CCDC171: variants seen among roughly 807,000 people sequenced by gnomAD.
CCDC171 encodes coiled-coil domain containing 171, also known as coiled-coil domain-containing protein 171.
A neutral mutation model predicts 168.2 loss-of-function variants in CCDC171; 177 were observed. The observed-to-expected ratio is 1.05, with a 90% CI of 0.93 to 1.19. The LOEUF is 1.19. Ranked by LOEUF, CCDC171 falls within the 50% of genes most tolerant of loss-of-function variation. CCDC171 has a pLI of 0.00. For missense variants in CCDC171, 1,991 were observed against 1,539.0 expected, an observed-to-expected ratio of 1.29 and a Z score of -4.91; for synonymous variants, 687 against 540.8, an observed-to-expected ratio of 1.27 and a Z score of -3.75.
At chr9:15,905,078 C>CT (rs1320318030) in intron 24 of CCDC171, among the ~76,000 whole-genome samples, 1 of 152,188 alleles carries the variant, frequency 6.6e-6, no homozygotes, top group Non-Finnish European at 1.5e-5. Flanking sequence ...TAATGGGAGA[C>CT]TTTAACACCC....
intron 25 of CCDC171, among the ~76,000 whole-genome samples, chr9:15,939,488 C>T (rs1021885774): frequency 6.6e-6 from 1 of 151,824 alleles, no homozygotes; most frequent in Non-Finnish European, 1.5e-5. Flanking sequence ...TGCTTCTTAG[C>T]AGTGATTCAA....
intron 10 of CCDC171, among the ~76,000 whole-genome samples, chr9:15,688,831 A>G (rs886973787): frequency 3.3e-5 from 5 of 152,192 alleles, no homozygotes; most frequent in Non-Finnish European, 7.3e-5. Context: ...TCTGTTCAAC[A>G]TTTTACTGGA....
chr9:16,021,811 G>C (rs980972633), intron 4 of CCDC171, among the ~76,000 whole-genome samples: 1 of 152,226 alleles, frequency 6.6e-6, no homozygotes, highest in African/African-American at 2.4e-5. Context: ...GTACTATGTG[G>C]CTAGCTATGT....
intron 23 of CCDC171, among the ~76,000 whole-genome samples, chr9:15,869,441 A>G (rs941564083): frequency 4.6e-5 from 7 of 150,812 alleles, no homozygotes; most frequent in African/African-American, 1.5e-4. Flanking sequence ...TTTCTTCTAC[A>G]TTGTAGAATT....
At position 15,604,014 on chromosome 9, in the gene CCDC171, CT is replaced by C. The variant is rs1403633098; in HGVS notation, c.675+9849del. Among the ~76,000 whole-genome samples the C allele has an allele frequency of 2.0e-5, 3 of 150,980 alleles. No homozygotes were observed. In the South Asian group the frequency reaches 6.3e-4, roughly 32 times the overall value. On this transcript the variant is annotated intron_variant, in intron 6 of 25. Transcript: ENST00000380701. ...TTCTCTGATGATCAGTGATGTTGAG[CT>C]TTTTTTCATGTTTGTTGGCTGCATG...
chr9:15,748,404 A>G (rs943516202), intron 18 of CCDC171, among the ~76,000 whole-genome samples: 2 of 152,210 alleles, frequency 1.3e-5, no homozygotes, highest in African/African-American at 4.8e-5. Context: ...GCTTTTCAGG[A>G]TATTATCGAG....
chr9:15,872,985 T>C (rs1279206828), intron 23 of CCDC171, among the ~76,000 whole-genome samples: 1 of 152,092 alleles, frequency 6.6e-6, no homozygotes, highest in African/African-American at 2.4e-5. Context: ...GGAGAGTGTT[T>C]GTTGCAGATA....
chr9:15,970,395 G>GT (rs766959724), intron 25 of CCDC171, among the ~76,000 whole-genome samples: 195 of 143,778 alleles, frequency 1.4e-3, no homozygotes, highest in South Asian at 1.8e-3. Context: ...CTACTAAAAA[G>GT]TTTTTTTTTT....
intron 1 of CCDC171, among the ~76,000 whole-genome samples, chr9:16,057,534 C>T (rs543629100): frequency 1.3e-5 from 2 of 152,146 alleles, no homozygotes; most frequent in African/African-American, 2.4e-5. Context: ...GAAGGCAGGG[C>T]ACTGTGTGTC....
intron 6 of CCDC171, among the ~76,000 whole-genome samples, chr9:15,612,446 A>C (rs749626264): frequency 6.6e-6 from 1 of 151,970 alleles, no homozygotes; most frequent in Non-Finnish European, 1.5e-5. Flanking sequence ...TTTAGGAGAG[A>C]TGATTAGCTA....
rs529476627 is a variant in CCDC171, at chr9:15,635,147, A to G, written c.822+11734A>G. On this transcript the variant is annotated intron_variant, in intron 7 of 25. Coordinates refer to ENST00000380701, the MANE Select transcript of CCDC171 (RefSeq NM_173550.4). The stretch of plus-strand genomic sequence containing the variant: ...TTTGTTAGGAGAATTGACTTACACT[A>G]TCACAAGTTGAAGTTCCACAATAGG... 3.9e-5 allele frequency among the ~76,000 whole-genome samples: 6 copies of G among 152,308 alleles called. No individual in the cohort carries two copies. In the East Asian group the frequency reaches 5.8e-4, roughly 15 times the overall value.
At chr9:15,651,053 C>T (rs541242368) in intron 7 of CCDC171, among the ~76,000 whole-genome samples, 5 of 152,126 alleles carry the variant, frequency 3.3e-5, no homozygotes, top group African/African-American at 1.2e-4. Context: ...TCCTAACTGT[C>T]ATTCTACTCT....
rs536688302 is a variant in CCDC171, at chr9:16,048,025, C to A, written n.89+5139C>A. Among the ~76,000 whole-genome samples, 29 of 152,312 alleles carry A rather than the reference C, an allele frequency of 1.9e-4. No homozygotes were observed. The South Asian group carries it at 6.0e-3, about 32-fold the overall frequency. On this transcript the variant is annotated intron_variant and non_coding_transcript_variant, in intron 1 of 1. Coordinates refer to the CCDC171 transcript ENST00000478913. ...AGAGGAAGGATGAACACATTGCCTG[C>A]AGTGGCAAGTTGGCTCAAAGGGATG...
At position 15,809,232 on chromosome 9, in the gene CCDC171, T is replaced by G. The variant is rs183676546; in HGVS notation, c.3267+24538T>G. ...ATGTGGCTGAGAATTAGCATGAGTG[T>G]ATTTGCAATGAATAGTATTTTCAAT... On this transcript the variant is annotated intron_variant, in intron 21 of 25. Coordinates refer to ENST00000380701, the MANE Select transcript of CCDC171 (RefSeq NM_173550.4). Among the ~76,000 whole-genome samples the G allele has an allele frequency of 5.3e-4, 81 of 152,340 alleles. 1 individual carries two copies. Among genetic ancestry groups the G allele is most frequent in the Non-Finnish European group, 1.9e-4 (13 of 68,030 alleles).
chr9:15,655,438 G>A (rs2047855815), intron 7 of CCDC171, among the ~76,000 whole-genome samples: 2 of 152,042 alleles, frequency 1.3e-5, no homozygotes, highest in East Asian at 1.9e-4. Context: ...TCCCTTTTTG[G>A]GACTAGTAAT....
intron 25 of CCDC171, among the ~76,000 whole-genome samples, chr9:15,968,362 T>C (rs1256524163): frequency 6.6e-6 from 1 of 152,194 alleles, no homozygotes; most frequent in East Asian, 1.9e-4. Context: ...TTTAATGTTC[T>C]CTGACAAAAA....
At chr9:15,576,270 A>AACTCC (rs1469709181) in intron 3 of CCDC171, among the ~76,000 whole-genome samples, 1 of 151,706 alleles carries the variant, frequency 6.6e-6, no homozygotes, top group Non-Finnish European at 1.5e-5. Flanking sequence ...TACAGCCTGG[A>AACTCC]ACTCCTGGGC....
At chr9:15,573,710 C>T (rs939469101) in intron 3 of CCDC171, among the ~76,000 whole-genome samples, 6 of 151,706 alleles carry the variant, frequency 4.0e-5, no homozygotes, top group African/African-American at 1.5e-4. Context: ...TTTTTAAAAC[C>T]AAATGCACAT....
intron 25 of CCDC171, among the ~76,000 whole-genome samples, chr9:15,928,030 A>T (rs1218431230): frequency 6.6e-6 from 1 of 151,642 alleles, no homozygotes. Context: ...CAATGGTATA[A>T]AGTACAGATT....
Sources: gnomAD v4.1 joint callset for allele counts (sites outside exome capture counted in the v4.1 genomes callset) on GRCh38, gnomAD v4.1.1 for gene constraint, MANE v1.5 for transcripts, NCBI Gene and HGNC (gene_info 2026-07-23, HGNC 2026-07-21) for gene names.